The following ACTA2 variants were observed in gnomAD, a reference collection of about 807,000 sequenced individuals.
The protein encoded by ACTA2 is actin, aortic smooth muscle.
Under a neutral mutation model 39.5 loss-of-function variants are expected in ACTA2, and 12 were observed. The observed-to-expected ratio is 0.30, with a 90% CI of 0.19 to 0.49. ACTA2 has a LOEUF of 0.49. Among genes scored for constraint, ACTA2 ranks in the 20% least tolerant of loss-of-function variants. ACTA2 has a pLI of 0.99. For synonymous variants in ACTA2, 158 were observed against 180.6 expected, an observed-to-expected ratio of 0.88 and a Z score of 1.00; for missense variants, 236 against 498.8, an observed-to-expected ratio of 0.47 and a Z score of 5.02.
intron 1 of ACTA2, among the ~76,000 whole-genome samples, chr10:88,987,320 A>T (rs1001869761): frequency 6.6e-6 from 1 of 152,238 alleles, no homozygotes; most frequent in Non-Finnish European, 1.5e-5. Flanking sequence ...ATAATTTATC[A>T]GTTAAGATTT....
At chr10:88,943,928 G>A in intron 3 of ACTA2, 21 bp from the exon 4 acceptor site, 3 of 1,605,418 alleles carry the variant, frequency 1.9e-6, no homozygotes, top group South Asian at 1.1e-5. Flanking sequence ...GGGGGACAGA[G>A]GAGAAACACA....
At chr10:88,955,924 T>G (rs963753906), upstream of ACTA2, among the ~76,000 whole-genome samples, 1 of 152,054 alleles carries the variant, frequency 6.6e-6, no homozygotes. Flanking sequence ...ATAAGAAAAA[T>G]AGGGTTAATA....
intron 4 of ACTA2, among the ~76,000 whole-genome samples, chr10:88,943,217 T>C (rs540829391): frequency 2.6e-5 from 4 of 152,322 alleles, no homozygotes; most frequent in South Asian, 4.1e-4. Context: ...TGGGATTCTA[T>C]TGTGAGGTCT....
At chr10:88,947,419 C>G in intron 2 of ACTA2, 33 bp from the exon 3 acceptor site, 1 of 1,612,948 alleles carries the variant, frequency 6.2e-7, no homozygotes, top group Non-Finnish European at 8.5e-7. Flanking sequence ...GAGTCAGCAT[C>G]TCCCAAAACT....
intron 1 of ACTA2, among the ~76,000 whole-genome samples, chr10:88,980,990 G>T (rs182767910): frequency 6.6e-6 from 1 of 152,212 alleles, no homozygotes; most frequent in East Asian, 1.9e-4. Flanking sequence ...TGAAAAGTGG[G>T]ATTTGGACTA....
chr10:88,943,536 A>G (rs1158259543), intron 4 of ACTA2, among the ~76,000 whole-genome samples: 1 of 152,212 alleles, frequency 6.6e-6, no homozygotes, highest in African/African-American at 2.4e-5. Flanking sequence ...CTCCTTAGAC[A>G]TTATAACTTA....
At chr10:88,968,923 G>A (rs1036711678) in intron 1 of ACTA2, among the ~76,000 whole-genome samples, 2 of 152,076 alleles carry the variant, frequency 1.3e-5, no homozygotes, top group African/African-American at 4.8e-5. Flanking sequence ...TCAGAACTTT[G>A]TGTAGGTTTG....
rs775262051 is a variant in ACTA2, at chr10:88,943,779, C to A, written c.369+18G>T. 1.3e-6 allele frequency: 2 copies of A among 1,592,664 alleles called. No homozygotes were observed. Among genetic ancestry groups the A allele is most frequent in the Non-Finnish European group, 1.7e-6 (2 of 1,160,552 alleles). ...TCCCCAGACCCCACAGTGTTGTGTGCTGGGGTAGCATACTTACTTGAGTCA... is the reference window on the plus strand; with the variant it reads ...TCCCCAGACCCCACAGTGTTGTGTGATGGGGTAGCATACTTACTTGAGTCA... On this transcript the variant is annotated intron_variant, in intron 4 of 8. Transcript: ENST00000224784.
At chr10:88,942,778 A>T (rs1232575083) in intron 4 of ACTA2, among the ~76,000 whole-genome samples, 1 of 152,130 alleles carries the variant, frequency 6.6e-6, no homozygotes, top group Non-Finnish European at 1.5e-5. Flanking sequence ...ACTGACAGGA[A>T]CAATAATTCA....
chr10:88,941,425 C>A (rs1443318969), intron 5 of ACTA2, 35 bp from the exon 6 acceptor site: 1 of 1,613,614 alleles, frequency 6.2e-7, no homozygotes, highest in Admixed American at 1.7e-5. Context: ...GTCACCATGG[C>A]AGCTGGCATG....
At chr10:88,975,950 G>C (rs1400756734) in intron 1 of ACTA2, among the ~76,000 whole-genome samples, 1 of 152,150 alleles carries the variant, frequency 6.6e-6, no homozygotes, top group African/African-American at 2.4e-5. Context: ...TCATTTGGCT[G>C]ACAAATTAAT....
At chr10:88,958,498 C>G (rs192614526) in intron 1 of ACTA2, among the ~76,000 whole-genome samples, 139 of 152,228 alleles carry the variant, frequency 9.1e-4, no homozygotes, top group Middle Eastern at 6.8e-3. Flanking sequence ...AGTGGTAGAG[C>G]AGGGATTCAA....
chr10:88,958,129 C>G (rs984775092), intron 1 of ACTA2, among the ~76,000 whole-genome samples: 3 of 152,158 alleles, frequency 2.0e-5, no homozygotes, highest in Non-Finnish European at 2.9e-5. Context: ...GTTTGCCTCT[C>G]TCGTAGCACT....
intron 1 of ACTA2, among the ~76,000 whole-genome samples, chr10:88,980,103 G>A (rs191657570): frequency 6.6e-6 from 1 of 152,200 alleles, no homozygotes; most frequent in East Asian, 1.9e-4. Flanking sequence ...TTTAAGTTTT[G>A]TTCACCACTT....
intron 3 of ACTA2, among the ~76,000 whole-genome samples, chr10:88,945,021 T>C (rs923185520): frequency 6.6e-6 from 1 of 152,244 alleles, no homozygotes; most frequent in African/African-American, 2.4e-5. Context: ...ATGAAACTTC[T>C]GAAAGTTTTG....
At chr10:88,956,122 ACT>A (rs1846134635), upstream of ACTA2, among the ~76,000 whole-genome samples, 1 of 152,098 alleles carries the variant, frequency 6.6e-6, no homozygotes, top group Non-Finnish European at 1.5e-5. Context: ...GCAGAGGTAA[ACT>A]CTTACCCAGA....
chr10:88,945,192 C>T (rs370196921), intron 3 of ACTA2, among the ~76,000 whole-genome samples: 4 of 152,128 alleles, frequency 2.6e-5, no homozygotes, highest in African/African-American at 4.8e-5. Flanking sequence ...CTGTCTAGGA[C>T]GATACATTCT....
At position 88,939,679 on chromosome 10, in the gene ACTA2, C is replaced by T; in HGVS notation, c.636G>A (p.Arg212=). 1 of 1,613,958 alleles carries T rather than the reference C, an allele frequency of 6.2e-7. No homozygotes were observed. The highest frequency in any genetic ancestry group is 1.3e-5 in the African/African-American group (1 of 75,018). Residue 212 remains arginine, a synonymous_variant, in exon 7 of 9, where the codon CGG becomes CGA. Coordinates refer to ENST00000224784, the MANE Select transcript of ACTA2 (RefSeq NM_001613.4). ...FVTTAEREIV[R]DIKEKLCYVA... is the part of the protein sequence containing the mutation. ...CATAACACAGTTTCTCCTTGATGTCCCGGACAATCTCACGCTCAGCTGTCA... is the reference window on the plus strand; with the variant it reads ...CATAACACAGTTTCTCCTTGATGTCTCGGACAATCTCACGCTCAGCTGTCA...
intron 1 of ACTA2, among the ~76,000 whole-genome samples, chr10:88,960,901 C>T (rs1302719135): frequency 6.6e-6 from 1 of 152,124 alleles, no homozygotes; most frequent in East Asian, 1.9e-4. Context: ...CTCTGGATCC[C>T]TGCTTGGCTT....
Sources: gnomAD v4.1 joint callset for allele counts (sites outside exome capture counted in the v4.1 genomes callset) on GRCh38, gnomAD v4.1.1 for gene constraint, MANE v1.5 for transcripts, NCBI Gene and HGNC (gene_info 2026-07-23, HGNC 2026-07-21) for gene names.